The following SPIRE1 variants were observed in gnomAD, a reference collection of about 807,000 sequenced individuals.
SPIRE1 encodes spire type actin nucleation factor 1.
A neutral mutation model predicts 94.1 loss-of-function variants in SPIRE1; 40 were observed. The observed-to-expected ratio is 0.43, with a 90% CI of 0.33 to 0.55. SPIRE1 has a LOEUF of 0.55. SPIRE1 is among the 20% of genes least tolerant of loss of function. SPIRE1 has a pLI of 0.06. For missense variants in SPIRE1, 838 were observed against 975.2 expected, an observed-to-expected ratio of 0.86 and a Z score of 1.87; for synonymous variants, 376 against 371.7, an observed-to-expected ratio of 1.01 and a Z score of -0.13.
chr18:12,625,269 C>T (rs1598550987), intron 2 of SPIRE1, among the ~76,000 whole-genome samples: 1 of 152,204 alleles, frequency 6.6e-6, no homozygotes, highest in South Asian at 2.1e-4. Flanking sequence ...CTGATTTCCA[C>T]ACCGTGTTGC....
intron 4 of SPIRE1, among the ~76,000 whole-genome samples, chr18:12,524,073 T>C (rs996879452): frequency 1.3e-5 from 2 of 152,238 alleles, no homozygotes; most frequent in East Asian, 1.9e-4. Context: ...ATTTGTTTCA[T>C]TGCAGTGGTT....
rs1461455212 is a variant in SPIRE1, at chr18:12,476,565, ATATAT to A, written c.1404+3129_1404+3133del. Among the ~76,000 whole-genome samples, 155 of 55,692 alleles carry A rather than the reference ATATAT, an allele frequency of 2.8e-3. 2 individuals are homozygous for A. The highest frequency in any genetic ancestry group is 0.019 in the East Asian group (27 of 1,428). 36.5% of individuals were successfully genotyped at this position (55,692 alleles called of 152,430 possible). A position where few individuals can be genotyped will look rare whatever the true frequency, so the allele number is the denominator to read the frequency against. Reference sequence around the variant, plus strand: ...CCAAAAAAAAAAAAAAAAAAAAAAAATATATATATATATATATATATATACACACA... The same window carrying A: ...CCAAAAAAAAAAAAAAAAAAAAAAAAATATATATATATATATATACACACA... On this transcript the variant is annotated intron_variant, in intron 10 of 16. Coordinates refer to ENST00000409402, the MANE Select transcript of SPIRE1 (RefSeq NM_001128626.2).
intron 7 of SPIRE1, among the ~76,000 whole-genome samples, chr18:12,494,996 G>A (rs2033398753): frequency 2.0e-5 from 3 of 148,096 alleles, no homozygotes; most frequent in South Asian, 2.1e-4. Context: ...CTTGCAGTGA[G>A]CCGAGATTGC....
chr18:12,626,841 A>T (rs1462463159), intron 2 of SPIRE1, among the ~76,000 whole-genome samples: 1 of 148,764 alleles, frequency 6.7e-6, no homozygotes. Flanking sequence ...TGTCTATAAC[A>T]GTACTTGGAA....
At chr18:12,505,235 G>A (rs1027342408) in intron 6 of SPIRE1, among the ~76,000 whole-genome samples, 8 of 152,184 alleles carry the variant, frequency 5.3e-5, no homozygotes, top group African/African-American at 1.9e-4. Context: ...GATGAGAGAT[G>A]ATGGTGGCTT....
chr18:12,506,956 T>C (rs1331082449), intron 5 of SPIRE1, among the ~76,000 whole-genome samples: 1 of 152,198 alleles, frequency 6.6e-6, no homozygotes, highest in Non-Finnish European at 1.5e-5. Flanking sequence ...AAGGGGATTA[T>C]ATTTCCCACA....
intron 2 of SPIRE1, among the ~76,000 whole-genome samples, chr18:12,584,101 A>G (rs1225168334): frequency 6.6e-6 from 1 of 152,148 alleles, no homozygotes; most frequent in Admixed American, 6.6e-5. Context: ...AATATATAAT[A>G]CATGCCAGGA....
At chr18:12,488,916 T>C (rs1274254337) in intron 8 of SPIRE1, among the ~76,000 whole-genome samples, 17 of 152,212 alleles carry the variant, frequency 1.1e-4, no homozygotes, top group African/African-American at 3.4e-4. Context: ...TCAGGCGCGG[T>C]GGCTCACGCC....
rs2036244939 is a variant in SPIRE1 at position 12,581,039 on chromosome 18, T to C, written c.373-34135A>G. Among the ~76,000 whole-genome samples the C allele has an allele frequency of 1.3e-5, 2 of 152,222 alleles. 1 individual carries two copies. Among genetic ancestry groups the C allele is most frequent in the South Asian group, 4.1e-4 (2 of 4,830 alleles). ...TTAGGTCTGCCTTTTCCTAGCACAC[T>C]GTCTTGCACATGATAGGTACTCTAT... On this transcript the variant is annotated intron_variant, in intron 2 of 16. Transcript: ENST00000409402.
In SPIRE1 at chr18:12,535,465, G is replaced by A; in HGVS notation, c.729+11C>T. The A allele has an allele frequency of 6.2e-7, 1 of 1,608,074 alleles. No homozygotes were observed. Among genetic ancestry groups the A allele is most frequent in the Non-Finnish European group, 8.5e-7 (1 of 1,176,012 alleles). On this transcript the variant is annotated intron_variant, in intron 4 of 16. Transcript: ENST00000409402. ...AACAATGCCAATAAATATCAAAGCA[G>A]TAGTACTCACCTCTTTCGCACTCTT...
intron 1 of SPIRE1, among the ~76,000 whole-genome samples, chr18:12,647,644 C>T (rs1047125341): frequency 6.6e-6 from 1 of 152,144 alleles, no homozygotes; most frequent in Non-Finnish European, 1.5e-5. Context: ...GTCCCAGCTA[C>T]TCAGGAGGCT....
In SPIRE1 at chr18:12,628,283, C is replaced by T. The variant is rs368271176; in HGVS notation, c.372+6779G>A. Among the ~76,000 whole-genome samples the T allele has an allele frequency of 1.1e-4, 17 of 152,278 alleles. No homozygotes were observed. In the Middle Eastern group the frequency reaches 0.01, roughly 91 times the overall value. The stretch of plus-strand genomic sequence containing the variant: ...TCTACATATGGCTAGCCAGTTTTCC[C>T]AGTACCATGTATTAAATAGGGAATC... On this transcript the variant is annotated intron_variant, in intron 2 of 16. Transcript: ENST00000409402.
chr18:12,569,335 C>G (rs1285214615), intron 2 of SPIRE1, among the ~76,000 whole-genome samples: 2 of 113,422 alleles, frequency 1.8e-5, no homozygotes, highest in African/African-American at 3.7e-5. Context: ...AGTGAGACTC[C>G]GTCTCAAAAA....
chr18:12,508,450 G>A (rs1165521794), intron 5 of SPIRE1, among the ~76,000 whole-genome samples: 2 of 152,238 alleles, frequency 1.3e-5, no homozygotes, highest in African/African-American at 2.4e-5. Context: ...CTTAGATTCT[G>A]CCATTAAAGA....
chr18:12,489,882 T>A (rs1020283714), intron 8 of SPIRE1, among the ~76,000 whole-genome samples: 1 of 152,240 alleles, frequency 6.6e-6, no homozygotes, highest in African/African-American at 2.4e-5. Context: ...ATTTTCATCT[T>A]TAAACATTCA....
At chr18:12,612,031 C>T (rs1464043791) in intron 2 of SPIRE1, among the ~76,000 whole-genome samples, 2 of 152,072 alleles carry the variant, frequency 1.3e-5, no homozygotes, top group African/African-American at 4.8e-5. Context: ...AAAAATGCCT[C>T]AGTAACTTTT....
intron 2 of SPIRE1, among the ~76,000 whole-genome samples, chr18:12,586,275 C>CA (rs937344643): frequency 3.3e-5 from 5 of 151,998 alleles, no homozygotes; most frequent in African/African-American, 7.2e-5. Context: ...TTTTAAATTA[C>CA]AAAAAAACGT....
chr18:12,518,645 T>C (rs2034270107), intron 4 of SPIRE1, among the ~76,000 whole-genome samples: 1 of 152,048 alleles, frequency 6.6e-6, no homozygotes, highest in East Asian at 1.9e-4. Context: ...ATTGCATCAC[T>C]GCATGAGATT....
intron 2 of SPIRE1, among the ~76,000 whole-genome samples, chr18:12,573,886 C>A (rs1243116785): frequency 6.6e-6 from 1 of 152,050 alleles, no homozygotes; most frequent in East Asian, 1.9e-4. Flanking sequence ...ACTACAGGTG[C>A]CTGCCACCAC....
Sources: allele counts gnomAD v4.1 joint callset (sites outside exome capture counted in the v4.1 genomes callset), GRCh38; gene constraint gnomAD v4.1.1; transcripts MANE v1.5; gene names NCBI Gene and HGNC (gene_info 2026-07-23, HGNC 2026-07-21).